Variants in PTPRK observed in about 807,000 individuals in gnomAD.
The protein encoded by PTPRK is receptor-type tyrosine-protein phosphatase kappa.
PTPRK carries 75 observed loss-of-function variants against 178.0 expected under a neutral mutation model. The observed-to-expected ratio is 0.42, with a 90% CI of 0.35 to 0.51. PTPRK has a LOEUF of 0.51. PTPRK is among the 20% of genes least tolerant of loss of function. PTPRK has a pLI of 0.02. For synonymous variants in PTPRK, 637 were observed against 620.6 expected, an observed-to-expected ratio of 1.03 and a Z score of -0.39; for missense variants, 1,441 against 1,797.8, an observed-to-expected ratio of 0.80 and a Z score of 3.59.
At chr6:128,016,685 C>T (rs781026718) in intron 13 of PTPRK, among the ~76,000 whole-genome samples, 2 of 151,596 alleles carry the variant, frequency 1.3e-5, no homozygotes, top group African/African-American at 2.4e-5. Flanking sequence ...ATGGTTAGGG[C>T]CTATTGTTTA....
At chr6:128,257,890 A>G (rs1367455102) in intron 3 of PTPRK, among the ~76,000 whole-genome samples, 1 of 152,172 alleles carries the variant, frequency 6.6e-6, no homozygotes, top group Non-Finnish European at 1.5e-5. Context: ...CACCAAAAAA[A>G]CCAACATGAT....
intron 6 of PTPRK, among the ~76,000 whole-genome samples, chr6:128,208,304 A>C (rs1188564907): frequency 6.6e-6 from 1 of 151,946 alleles, no homozygotes; most frequent in Non-Finnish European, 1.5e-5. Context: ...CCCTCAAAAA[A>C]AAAAAAAAAA....
At chr6:128,235,220 T>C (rs1813019120) in intron 5 of PTPRK, among the ~76,000 whole-genome samples, 1 of 152,168 alleles carries the variant, frequency 6.6e-6, no homozygotes, top group Admixed American at 6.5e-5. Context: ...TTGAAATATT[T>C]GAATATTTTT....
intron 15 of PTPRK, chr6:127,999,956 TAAG>T (rs768368034): frequency 1.2e-5 from 11 of 915,212 alleles, no homozygotes; most frequent in Non-Finnish European, 1.4e-5. Context: ...TTTTCTGTCA[TAAG>T]AAGGAAGAAA....
chr6:128,293,325 C>T (rs936963530), intron 3 of PTPRK, among the ~76,000 whole-genome samples: 3 of 152,058 alleles, frequency 2.0e-5, no homozygotes, highest in East Asian at 1.9e-4. Context: ...AAGATGGTGA[C>T]TTGTTGCTGC....
At chr6:128,135,932 G>T (rs1237348849) in intron 7 of PTPRK, among the ~76,000 whole-genome samples, 1 of 152,172 alleles carries the variant, frequency 6.6e-6, no homozygotes, top group Non-Finnish European at 1.5e-5. Context: ...AAGATGTTAT[G>T]AGCTGAACTG....
Position 128,397,449 on chromosome 6 carries a change from A to G in PTPRK, c.223+117T>C, listed in dbSNP as rs541762110. 11 of 1,275,016 alleles carry G rather than the reference A, an allele frequency of 8.6e-6. No homozygotes were observed. In the South Asian group the frequency reaches 1.0e-4, roughly 12 times the overall value. The allele number at this position is 1,275,016 out of a possible 1,614,324, so 79.0% of individuals were successfully genotyped here. On this transcript the variant is annotated intron_variant, in intron 2 of 29. Coordinates refer to ENST00000368226, the MANE Select transcript of PTPRK (RefSeq NM_002844.4). Reference sequence around the variant, plus strand: ...ATAAGGCTCTTAGAAGTGATCCAGTAGCACAATAATTTAGCTTATTATAAC... The same window carrying G: ...ATAAGGCTCTTAGAAGTGATCCAGTGGCACAATAATTTAGCTTATTATAAC...
intron 7 of PTPRK, among the ~76,000 whole-genome samples, chr6:128,094,159 G>A (rs1787512791): frequency 6.6e-6 from 1 of 152,114 alleles, no homozygotes; most frequent in African/African-American, 2.4e-5. Context: ...AGGTTGGTTG[G>A]GAAAAGATGA....
intron 13 of PTPRK, among the ~76,000 whole-genome samples, chr6:128,045,594 C>T (rs1371680061): frequency 1.3e-5 from 2 of 151,864 alleles, no homozygotes; most frequent in Non-Finnish European, 2.9e-5. Flanking sequence ...CACATTGTTT[C>T]TAAATTATGT....
chr6:128,339,168 G>GGACA (rs1831337579), intron 2 of PTPRK, among the ~76,000 whole-genome samples: 1 of 152,006 alleles, frequency 6.6e-6, no homozygotes, highest in South Asian at 2.1e-4. Flanking sequence ...ATACTACAGA[G>GGACA]GACAAGGGAA....
intron 1 of PTPRK, among the ~76,000 whole-genome samples, chr6:128,419,625 GAAAAAGAA>G (rs1183435105): frequency 1.3e-5 from 2 of 150,196 alleles, no homozygotes; most frequent in South Asian, 2.1e-4. Flanking sequence ...AAAAAAAAAA[GAAAAAGAA>G]AAAAAGAAAA....
chr6:128,348,129 CATT>C (rs1832662701), intron 2 of PTPRK, among the ~76,000 whole-genome samples: 2 of 152,074 alleles, frequency 1.3e-5, no homozygotes, highest in African/African-American at 4.8e-5. Flanking sequence ...GTCATTATAG[CATT>C]ATTATTACAG....
At chr6:128,307,585 A>G (rs2128314642) in intron 3 of PTPRK, among the ~76,000 whole-genome samples, 1 of 152,234 alleles carries the variant, frequency 6.6e-6, no homozygotes, top group East Asian at 1.9e-4. Context: ...AATGATTACT[A>G]TCTAGACCAG....
chr6:128,235,167 TA>T (rs1813004567), intron 5 of PTPRK, among the ~76,000 whole-genome samples: 1 of 152,078 alleles, frequency 6.6e-6, no homozygotes, highest in African/African-American at 2.4e-5. Flanking sequence ...AATTTGATAT[TA>T]AAAAATAAAA....
intron 6 of PTPRK, among the ~76,000 whole-genome samples, chr6:128,218,013 A>G (rs766381985): frequency 7.0e-4 from 107 of 152,088 alleles, no homozygotes; most frequent in Non-Finnish European, 1.1e-3. Context: ...CTCTATTTTT[A>G]TTTTTAAGCT....
At chr6:128,336,658 C>G (rs1422793585) in intron 2 of PTPRK, among the ~76,000 whole-genome samples, 1 of 152,190 alleles carries the variant, frequency 6.6e-6, no homozygotes, top group Non-Finnish European at 1.5e-5. Flanking sequence ...TAACCATAAG[C>G]AAGAATATAT....
intron 27 of PTPRK, among the ~76,000 whole-genome samples, chr6:127,975,312 G>A (rs1289952993): frequency 6.6e-6 from 1 of 152,104 alleles, no homozygotes; most frequent in Non-Finnish European, 1.5e-5. Flanking sequence ...TGTAACAGAT[G>A]TGCAGACATA....
intron 13 of PTPRK, among the ~76,000 whole-genome samples, chr6:128,045,894 A>T (rs1412951143): frequency 6.6e-6 from 1 of 152,160 alleles, no homozygotes; most frequent in Non-Finnish European, 1.5e-5. Context: ...CTTTAAATCC[A>T]TTGTGGTAAT....
Position 127,976,977 on chromosome 6 carries a change from C to T in PTPRK, c.3789G>A (p.Val1263=), listed in dbSNP as rs771780906. The change falls in exon 26 of 30, where the codon GTG becomes GTA. Residue 1263 remains valine, a synonymous_variant. Coordinates refer to ENST00000368226, the MANE Select transcript of PTPRK (RefSeq NM_002844.4). The stretch of plus-strand genomic sequence containing the variant: ...CAATGGAGGTACAGCCATAATCATA[C>T]ACTAATCTCCAGAAGTCTTTTACAG... ...PNTVKDFWRL[V]YDYGCTSIVM... The T allele has an allele frequency of 6.2e-7, 1 of 1,614,092 alleles. No individual in the cohort carries two copies. The highest frequency in any genetic ancestry group is 1.1e-5 in the South Asian group (1 of 91,072).
Sources: gnomAD v4.1 joint callset for allele counts (sites outside exome capture counted in the v4.1 genomes callset) on GRCh38, gnomAD v4.1.1 for gene constraint, MANE v1.5 for transcripts, NCBI Gene and HGNC (gene_info 2026-07-23, HGNC 2026-07-21) for gene names.